ZNF804A: variants seen among roughly 807,000 people sequenced by gnomAD.
ZNF804A encodes the protein zinc finger protein 804A.
A neutral mutation model predicts 16.5 loss-of-function variants in ZNF804A; 2 were observed. That is an observed-to-expected ratio of 0.12 (90% CI 0.05 to 0.38). The LOEUF is 0.38. Among genes scored for constraint, ZNF804A ranks in the 10% least tolerant of loss-of-function variants. The pLI is 0.99. For missense variants in ZNF804A, 1,473 were observed against 1,390.7 expected, an observed-to-expected ratio of 1.06 and a Z score of -0.94; for synonymous variants, 534 against 489.6, an observed-to-expected ratio of 1.09 and a Z score of -1.20.
intron 1 of ZNF804A, among the ~76,000 whole-genome samples, chr2:184,694,304 TA>T (rs1476359265): frequency 6.6e-6 from 1 of 152,052 alleles, no homozygotes; most frequent in Non-Finnish European, 1.5e-5. Flanking sequence ...GCAAATGATA[TA>T]AAAATTTCAG....
chr2:184,832,798 C>T (rs151329174), intron 1 of ZNF804A, among the ~76,000 whole-genome samples: 1 of 151,874 alleles, frequency 6.6e-6, no homozygotes, highest in East Asian at 1.9e-4. Context: ...TGATATTATA[C>T]CAAAAGTTCA....
At chr2:184,667,537 A>G (rs1692272044) in intron 1 of ZNF804A, among the ~76,000 whole-genome samples, 1 of 151,944 alleles carries the variant, frequency 6.6e-6, no homozygotes, top group South Asian at 2.1e-4. Context: ...CAATGTGAAT[A>G]TAATTATGAC....
At chr2:184,648,600 G>A (rs6434095) in intron 1 of ZNF804A, among the ~76,000 whole-genome samples, 84,008 of 151,840 alleles carry the variant, frequency 0.55, 24,097 homozygotes, top group African/African-American at 0.65. Flanking sequence ...AGAAAGATCT[G>A]CCATAGAAAT....
chr2:184,740,398 A>G (rs1454886268), intron 1 of ZNF804A, among the ~76,000 whole-genome samples: 2 of 152,222 alleles, frequency 1.3e-5, no homozygotes, highest in African/African-American at 2.4e-5. Flanking sequence ...GTGCTTACAT[A>G]ATATGCTTAG....
At chr2:184,708,329 T>G (rs2105735185) in intron 1 of ZNF804A, among the ~76,000 whole-genome samples, 1 of 152,198 alleles carries the variant, frequency 6.6e-6, no homozygotes, top group East Asian at 1.9e-4. Flanking sequence ...AAAAAGAGCC[T>G]GAATAGCCAA....
At chr2:184,875,025 T>C (rs1166041443) in intron 2 of ZNF804A, among the ~76,000 whole-genome samples, 2 of 152,220 alleles carry the variant, frequency 1.3e-5, no homozygotes, top group African/African-American at 4.8e-5. Flanking sequence ...TCTCACTTTC[T>C]ACCACTGTCC....
At chr2:184,679,016 T>C (rs1363937818) in intron 1 of ZNF804A, among the ~76,000 whole-genome samples, 2 of 152,204 alleles carry the variant, frequency 1.3e-5, no homozygotes, top group African/African-American at 2.4e-5. Context: ...TACCTGACTT[T>C]AATGTAATAA....
At chr2:184,758,878 A>C (rs1262577270) in intron 1 of ZNF804A, among the ~76,000 whole-genome samples, 1 of 151,942 alleles carries the variant, frequency 6.6e-6, no homozygotes, top group African/African-American at 2.4e-5. Flanking sequence ...TAACTGTTCC[A>C]CTTCTCATCA....
intron 1 of ZNF804A, among the ~76,000 whole-genome samples, chr2:184,650,694 G>GAAACA (rs60008703): frequency 0.11 from 16,525 of 151,786 alleles, 1,146 homozygotes; most frequent in Non-Finnish European, 0.16. Flanking sequence ...AGCTAAAACT[G>GAAACA]AAACAAAACA....
At chr2:184,858,542 G>GAA (rs1695742035) in intron 1 of ZNF804A, among the ~76,000 whole-genome samples, 1 of 151,046 alleles carries the variant, frequency 6.6e-6, no homozygotes, top group Non-Finnish European at 1.5e-5. Flanking sequence ...TTAAATTTGA[G>GAA]AGCATTAAGA....
intron 1 of ZNF804A, among the ~76,000 whole-genome samples, chr2:184,827,460 T>G (rs1417065237): frequency 6.8e-6 from 1 of 146,288 alleles, no homozygotes; most frequent in Non-Finnish European, 1.5e-5. Context: ...ATAAATATAT[T>G]TATATATACT....
Position 184,730,486 on chromosome 2 carries a change from T to C in ZNF804A, c.111+131416T>C, listed in dbSNP as rs569701621. 1.3e-3 allele frequency among the ~76,000 whole-genome samples: 205 copies of C among 152,324 alleles called. 1 individual carries two copies. The highest frequency in any genetic ancestry group is 4.7e-3 in the African/African-American group (196 of 41,588). On this transcript the variant is annotated intron_variant, in intron 1 of 3. Coordinates refer to ENST00000302277, the MANE Select transcript of ZNF804A (RefSeq NM_194250.2). ...ACAGGCATCTGCCACTGTAGCATCA[T>C]ACAGAGTAATTTCACTTCCCTAAAA...
chr2:184,770,327 A>C (rs1164077956), intron 1 of ZNF804A, among the ~76,000 whole-genome samples: 1 of 151,988 alleles, frequency 6.6e-6, no homozygotes, highest in Non-Finnish European at 1.5e-5. Flanking sequence ...TAGTTTGATA[A>C]ATTGTTTTTC....
Position 184,876,815 on chromosome 2 carries a change from G to A in ZNF804A, c.255+10303G>A, listed in dbSNP as rs186580713. Reference sequence around the variant, plus strand: ...TCTATTGACTCAGCCCCTGTTGAGGGTAGGGAGCAAAAACTAAAACTGTAA... The same window carrying A: ...TCTATTGACTCAGCCCCTGTTGAGGATAGGGAGCAAAAACTAAAACTGTAA... On this transcript the variant is annotated intron_variant, in intron 2 of 3. Transcript: ENST00000302277. Among the ~76,000 whole-genome samples, 425 of 152,094 alleles carry A rather than the reference G, an allele frequency of 2.8e-3. 4 individuals carry two copies. The highest frequency in any genetic ancestry group is 3.7e-3 in the Non-Finnish European group (254 of 67,986).
rs1163432699 is a variant in ZNF804A, at chr2:184,813,993, C to CTTTTTTTTTTTTT, written c.112-52360_112-52348dup. Reference sequence around the variant, plus strand: ...TTTAGGGCATGTTTGAGAAAGGCAGCTTTTTTTTTTTTTTTTTTTTTTTTT... The same window carrying CTTTTTTTTTTTTT: ...TTTAGGGCATGTTTGAGAAAGGCAGCTTTTTTTTTTTTTTTTTTTTTTTTTTTTTTTTTTTTTT... On this transcript the variant is annotated intron_variant, in intron 1 of 3. Coordinates refer to ENST00000302277, the MANE Select transcript of ZNF804A (RefSeq NM_194250.2). 4.1e-5 allele frequency among the ~76,000 whole-genome samples: 2 copies of CTTTTTTTTTTTTT among 49,196 alleles called. 1 individual carries two copies. The highest frequency in any genetic ancestry group is 7.4e-5 in the Non-Finnish European group (2 of 26,996). The allele number at this position is 49,196 out of a possible 152,430, so 32.3% of individuals were successfully genotyped here.
chr2:184,822,905 T>A (rs531983072), intron 1 of ZNF804A, among the ~76,000 whole-genome samples: 22 of 152,212 alleles, frequency 1.4e-4, no homozygotes, highest in Non-Finnish European at 2.6e-4. Context: ...AATGTTATTT[T>A]TTTGTCCATA....
At chr2:184,833,428 A>T (rs1188620332) in intron 1 of ZNF804A, among the ~76,000 whole-genome samples, 1 of 152,092 alleles carries the variant, frequency 6.6e-6, no homozygotes, top group African/African-American at 2.4e-5. Flanking sequence ...TGTCACTACA[A>T]GCCACATGTG....
At chr2:184,694,489 C>A (rs965998966) in intron 1 of ZNF804A, among the ~76,000 whole-genome samples, 1 of 152,066 alleles carries the variant, frequency 6.6e-6, no homozygotes, top group Non-Finnish European at 1.5e-5. Context: ...ATACATATTT[C>A]TTATATAAAT....
chr2:184,616,907 G>A (rs940272809), intron 1 of ZNF804A, among the ~76,000 whole-genome samples: 1 of 152,050 alleles, frequency 6.6e-6, no homozygotes, highest in Non-Finnish European at 1.5e-5. Flanking sequence ...TAAAATACAT[G>A]TGGTTTGGCT....
Sources: gnomAD v4.1 joint callset for allele counts (sites outside exome capture counted in the v4.1 genomes callset) on GRCh38, gnomAD v4.1.1 for gene constraint, MANE v1.5 for transcripts, NCBI Gene and HGNC (gene_info 2026-07-23, HGNC 2026-07-21) for gene names.